Variants in CD1B observed in about 807,000 individuals in gnomAD.
The protein encoded by CD1B is T-cell surface glycoprotein CD1b.
Under a neutral mutation model 39.8 loss-of-function variants are expected in CD1B, and 43 were observed. The ratio of observed to expected loss-of-function variants is 1.08; its 90% confidence interval spans 0.85 to 1.39. CD1B has a LOEUF of 1.39. Ranked by LOEUF, CD1B falls within the 40% of genes most tolerant of loss-of-function variation. The probability of loss-of-function intolerance (pLI) is 0.00; values close to 1 mark genes in which losing one functional copy is unlikely to be tolerated. For synonymous variants in CD1B, 192 were observed against 152.5 expected (o/e 1.26, Z -1.91); for missense variants, 495 against 403.8 (o/e 1.23, Z -1.94).
At chr1:158,314,944 A>G in the CD1B span, among the ~76,000 whole-genome samples, 3 of 148,748 alleles carry the variant, frequency 2.0e-5, no homozygotes, top group Non-Finnish European at 4.4e-5. Context: ...ACTGAGAATG[A>G]TGATTTCCAA....
chr1:158,330,197 C>G lies in CD1B; in HGVS notation c.329-67G>C, dbSNP rs1431447642. The G allele has an allele frequency of 1.2e-5, 18 of 1,452,198 alleles. 1 individual carries two copies. Among genetic ancestry groups the G allele is most frequent in the Non-Finnish European group, 1.7e-5 (18 of 1,074,494 alleles). 90.0% of individuals were successfully genotyped at this position (1,452,198 alleles called of 1,614,324 possible). Reference sequence around the variant, plus strand: ...AGAAAAAAAGGCATGAGAAAAGAACCTAGGATTTTAGATTTTGGTGGGGAT... The same window carrying G: ...AGAAAAAAAGGCATGAGAAAAGAACGTAGGATTTTAGATTTTGGTGGGGAT... On this transcript the variant is annotated intron_variant, in intron 2 of 5. Coordinates refer to ENST00000368168, the MANE Select transcript of CD1B (RefSeq NM_001764.3).
At chr1:158,303,875 C>T in the CD1B span, among the ~76,000 whole-genome samples, 2 of 152,156 alleles carry the variant, frequency 1.3e-5, no homozygotes, top group African/African-American at 2.4e-5. Context: ...AGTGCTACTC[C>T]TATCAAAGTA....
downstream of CD1B, among the ~76,000 whole-genome samples, chr1:158,326,665 ATAGT>A (rs1196076103): frequency 2.0e-5 from 3 of 152,294 alleles, no homozygotes; most frequent in South Asian, 6.2e-4. Flanking sequence ...ACATGTTGAA[ATAGT>A]TAAGGATGAA....
chr1:158,299,727 G>A, the CD1B span, among the ~76,000 whole-genome samples: 1 of 152,184 alleles, frequency 6.6e-6, no homozygotes, highest in Admixed American at 6.5e-5. Flanking sequence ...GGGTGTGTGT[G>A]TCGAGGAATT....
chr1:158,318,129 T>C, the CD1B span, among the ~76,000 whole-genome samples: 2 of 152,090 alleles, frequency 1.3e-5, no homozygotes, highest in African/African-American at 2.4e-5. Flanking sequence ...CTGAAAAAAA[T>C]GTATATTCTG....
At chr1:158,290,122 G>A in the CD1B span, 4 of 1,613,692 alleles carry the variant, frequency 2.5e-6, no homozygotes, top group East Asian at 2.2e-5. Flanking sequence ...TGACAATGCA[G>A]ACGGTAAGAA....
chr1:158,289,536 GA>G, the CD1B span, among the ~76,000 whole-genome samples: 14 of 152,298 alleles, frequency 9.2e-5, no homozygotes, highest in African/African-American at 3.1e-4. Flanking sequence ...TGGGTGAAAA[GA>G]GGTGAAATTG....
the CD1B span, among the ~76,000 whole-genome samples, chr1:158,317,807 T>A: frequency 1.3e-5 from 2 of 152,232 alleles, no homozygotes; most frequent in South Asian, 4.1e-4. Context: ...TTTAGTGCTA[T>A]AAATTTCCCT....
At chr1:158,316,857 T>C in the CD1B span, among the ~76,000 whole-genome samples, 1 of 152,052 alleles carries the variant, frequency 6.6e-6, no homozygotes, top group Non-Finnish European at 1.5e-5. Flanking sequence ...ATTGAGAGTT[T>C]TGAGCATGAA....
At chr1:158,322,112 C>CT in the CD1B span, among the ~76,000 whole-genome samples, 1 of 152,080 alleles carries the variant, frequency 6.6e-6, no homozygotes, top group African/African-American at 2.4e-5. Context: ...TATGGTTTAT[C>CT]TTTTAATAAA....
chr1:158,297,903 T>C, the CD1B span, among the ~76,000 whole-genome samples: 1 of 151,260 alleles, frequency 6.6e-6, no homozygotes, highest in Non-Finnish European at 1.5e-5. Context: ...GCCACTGCAC[T>C]TCGGCCTAAG....
the CD1B span, among the ~76,000 whole-genome samples, chr1:158,295,688 C>G: frequency 6.6e-6 from 1 of 152,064 alleles, no homozygotes; most frequent in Non-Finnish European, 1.5e-5. Flanking sequence ...GAGCCCCCCA[C>G]CCCATGTCTG....
chr1:158,313,339 C>T, the CD1B span, among the ~76,000 whole-genome samples: 2 of 152,052 alleles, frequency 1.3e-5, no homozygotes, highest in Non-Finnish European at 1.5e-5. Flanking sequence ...GAGAAAGTGT[C>T]TCACTCTGTC....
the CD1B span, among the ~76,000 whole-genome samples, chr1:158,302,872 T>C: frequency 6.6e-6 from 1 of 152,152 alleles, no homozygotes; most frequent in Admixed American, 6.5e-5. Context: ...AAAGCTGGTA[T>C]CAATTCTTTG....
At chr1:158,330,279 T>C in intron 2 of CD1B, 149 bp from the exon 3 acceptor site, 1 of 752,440 alleles carries the variant, frequency 1.3e-6, no homozygotes, top group Non-Finnish European at 2.2e-6. Context: ...CATTTAGACA[T>C]TTTCAGAAAC....
Position 158,329,981 on chromosome 1 carries a change from G to A in CD1B, c.478C>T (p.Gln160Ter). ...VPSPEGGSRA[Q>*]KFCALIIQYQ... Reference sequence around the variant, plus strand: ...TGTATGATTAGTGCACAGAATTTCTGTGCCCTGCTGCCACCTTCTGGGGAA... The same window carrying A: ...TGTATGATTAGTGCACAGAATTTCTATGCCCTGCTGCCACCTTCTGGGGAA... Residue 160 changes from glutamine (Q) to a stop codon, truncating the protein, a stop_gained, in exon 3 of 6, where the codon CAG (glutamine) becomes TAG (stop). Coordinates refer to ENST00000368168, the MANE Select transcript of CD1B (RefSeq NM_001764.3). LOFTEE classifies it high-confidence loss of function. 1.9e-6 allele frequency: 3 copies of A among 1,614,086 alleles called. No homozygotes were observed. Among genetic ancestry groups the A allele is most frequent in the Non-Finnish European group, 8.5e-7 (1 of 1,180,012 alleles).
chr1:158,329,150 C>A (rs1197895023), intron 4 of CD1B, 136 bp from the exon 5 acceptor site: 9 of 924,972 alleles, frequency 9.7e-6, no homozygotes, highest in Non-Finnish European at 1.5e-5. Flanking sequence ...ACCATATATC[C>A]ATCCTTTGAT....
At chr1:158,285,830 A>C in the CD1B span, among the ~76,000 whole-genome samples, 1 of 152,144 alleles carries the variant, frequency 6.6e-6, no homozygotes, top group Non-Finnish European at 1.5e-5. Context: ...CTTGGAGGCC[A>C]GAAAGAAGGA....
the CD1B span, among the ~76,000 whole-genome samples, chr1:158,321,976 A>G: frequency 6.6e-6 from 1 of 152,178 alleles, no homozygotes; most frequent in Non-Finnish European, 1.5e-5. Context: ...TCCATGTATA[A>G]CAAGTTATTT....
Sources: gnomAD v4.1 joint callset for allele counts (sites outside exome capture counted in the v4.1 genomes callset) on GRCh38, gnomAD v4.1.1 for gene constraint, MANE v1.5 for transcripts, NCBI Gene and HGNC (gene_info 2026-07-23, HGNC 2026-07-21) for gene names.